KCNIP1: variants seen among roughly 807,000 people sequenced by gnomAD.
The protein encoded by KCNIP1 is A-type potassium channel modulatory protein KCNIP1.
Under a neutral mutation model 33.0 loss-of-function variants are expected in KCNIP1, and 18 were observed. The ratio of observed to expected loss-of-function variants is 0.55; its 90% CI spans 0.38 to 0.81. KCNIP1 has a LOEUF of 0.81. Among genes scored for constraint, KCNIP1 ranks in the 30% least tolerant of loss-of-function variants. KCNIP1 has a pLI of 0.00. For missense variants in KCNIP1, 238 were observed against 271.6 expected (o/e 0.88, Z 0.87); for synonymous variants, 93 against 98.3 (o/e 0.95, Z 0.32).
At chr5:170,416,539 C>G (rs1289093939) in intron 1 of KCNIP1, among the ~76,000 whole-genome samples, 1 of 152,140 alleles carries the variant, frequency 6.6e-6, no homozygotes, top group Non-Finnish European at 1.5e-5. Flanking sequence ...CACCTCAATG[C>G]TACGACAGAG....
At chr5:170,406,839 G>A (rs827782) in intron 1 of KCNIP1, among the ~76,000 whole-genome samples, 23,930 of 152,168 alleles carry the variant, frequency 0.16, 1,989 homozygotes, top group Admixed American at 0.2. Context: ...GGCCAGGCAG[G>A]AGGCAAGGCC....
At chr5:170,368,952 A>G (rs1763774199) in intron 1 of KCNIP1, among the ~76,000 whole-genome samples, 1 of 152,220 alleles carries the variant, frequency 6.6e-6, no homozygotes, top group South Asian at 2.1e-4. Flanking sequence ...ACAAATTCGC[A>G]TGTGCACAGA....
At chr5:170,506,440 CAAAT>C (rs1245252976) in intron 1 of KCNIP1, among the ~76,000 whole-genome samples, 1 of 152,142 alleles carries the variant, frequency 6.6e-6, no homozygotes, top group Non-Finnish European at 1.5e-5. Context: ...ATGTGAGAAT[CAAAT>C]GAATGATGAA....
At chr5:170,735,334 C>A (rs1764348108) in intron 7 of KCNIP1, among the ~76,000 whole-genome samples, 1 of 151,884 alleles carries the variant, frequency 6.6e-6, no homozygotes, top group Non-Finnish European at 1.5e-5. Context: ...AAGAAAATAT[C>A]TCGAATAAAA....
In KCNIP1 at chr5:170,511,395, G is replaced by A. The variant is rs151145591; in HGVS notation, c.61+6762G>A. On this transcript the variant is annotated intron_variant, in intron 1 of 7. Coordinates refer to ENST00000328939, the MANE Select transcript of KCNIP1 (RefSeq NM_014592.4). Reference sequence around the variant, plus strand: ...TGCCTTGCTCCACTTGGATGATGACGGTGTTACCCTTGGTAATCTCCCCAT... The same window carrying A: ...TGCCTTGCTCCACTTGGATGATGACAGTGTTACCCTTGGTAATCTCCCCAT... 4.1e-4 allele frequency among the ~76,000 whole-genome samples: 62 copies of A among 152,262 alleles called. 3 individuals are homozygous for A. The East Asian group carries it at 0.011, about 27-fold the overall frequency.
At chr5:170,547,881 A>G (rs900056401) in intron 1 of KCNIP1, among the ~76,000 whole-genome samples, 1 of 152,182 alleles carries the variant, frequency 6.6e-6, no homozygotes, top group Non-Finnish European at 1.5e-5. Flanking sequence ...TTTTAGGTAT[A>G]TACCCAGTAG....
At position 170,543,128 on chromosome 5, in the gene KCNIP1, G is replaced by A. The variant is rs528018819; in HGVS notation, c.61+38495G>A. Among the ~76,000 whole-genome samples the A allele has an allele frequency of 1.7e-4, 26 of 152,234 alleles. No homozygotes were observed. In the East Asian group the frequency reaches 4.8e-3, roughly 28 times the overall value. On this transcript the variant is annotated intron_variant, in intron 1 of 7. Transcript: ENST00000328939. ...CCTGCCTTCGTGACCTAATCACCCC[G>A]CAGATGCTCCACCTCTCAACACCAC...
intron 1 of KCNIP1, among the ~76,000 whole-genome samples, chr5:170,553,063 G>A (rs72832749): frequency 0.02 from 3,055 of 152,310 alleles, 40 homozygotes; most frequent in Non-Finnish European, 0.032. Flanking sequence ...AGCAAGCTGC[G>A]GCCCGTGCCT....
chr5:170,650,284 C>T (rs1760991230), intron 1 of KCNIP1, among the ~76,000 whole-genome samples: 1 of 151,948 alleles, frequency 6.6e-6, no homozygotes, highest in Admixed American at 6.6e-5. Context: ...TAACTATCAC[C>T]CCCCAAAGTT....
chr5:170,728,912 G>C (rs1340713476), intron 5 of KCNIP1, among the ~76,000 whole-genome samples: 1 of 151,948 alleles, frequency 6.6e-6, no homozygotes, highest in Non-Finnish European at 1.5e-5. Flanking sequence ...TTATAAAGCT[G>C]AAACTATTAA....
chr5:170,590,365 T>C (rs1758201632), intron 1 of KCNIP1, among the ~76,000 whole-genome samples: 1 of 152,068 alleles, frequency 6.6e-6, no homozygotes, highest in Non-Finnish European at 1.5e-5. Context: ...ATGCTGCTGA[T>C]TAAACTGATG....
intron 1 of KCNIP1, among the ~76,000 whole-genome samples, chr5:170,365,015 C>T (rs1257914141): frequency 2.0e-5 from 3 of 152,154 alleles, no homozygotes; most frequent in African/African-American, 4.8e-5. Flanking sequence ...AAACTCTATA[C>T]GCTTTGGCCA....
chr5:170,674,750 A>T (rs1762063649), intron 1 of KCNIP1, among the ~76,000 whole-genome samples: 1 of 152,148 alleles, frequency 6.6e-6, no homozygotes, highest in African/African-American at 2.4e-5. Flanking sequence ...GGTTTTGTAA[A>T]ATGCCAGGGG....
chr5:170,356,494 A>G (rs1763352030), intron 1 of KCNIP1, among the ~76,000 whole-genome samples: 1 of 152,232 alleles, frequency 6.6e-6, no homozygotes, highest in Non-Finnish European at 1.5e-5. Context: ...GATGCCAGCT[A>G]GCCCAGATTT....
chr5:170,565,391 C>T (rs1757171158), intron 1 of KCNIP1, among the ~76,000 whole-genome samples: 1 of 152,186 alleles, frequency 6.6e-6, no homozygotes, highest in African/African-American at 2.4e-5. Flanking sequence ...TTTATATAAG[C>T]ACTGGCCAAG....
intron 5 of KCNIP1, among the ~76,000 whole-genome samples, chr5:170,726,673 G>C (rs1181648895): frequency 6.7e-6 from 1 of 149,534 alleles, no homozygotes; most frequent in Non-Finnish European, 1.5e-5. Context: ...GCTGAGGCAG[G>C]CGGATCACTT....
At chr5:170,359,906 T>C (rs1266097091) in intron 1 of KCNIP1, among the ~76,000 whole-genome samples, 1 of 152,236 alleles carries the variant, frequency 6.6e-6, no homozygotes, top group African/African-American at 2.4e-5. Context: ...TAGATAACCC[T>C]GTTACCATGC....
intron 1 of KCNIP1, among the ~76,000 whole-genome samples, chr5:170,606,027 G>A (rs551742934): frequency 1.1e-4 from 16 of 152,114 alleles, no homozygotes; most frequent in East Asian, 3.9e-4. Flanking sequence ...TGCCCACCTC[G>A]GCCTCTCAAA....
intron 1 of KCNIP1, among the ~76,000 whole-genome samples, chr5:170,426,372 T>A (rs751731706): frequency 6.6e-6 from 1 of 152,176 alleles, no homozygotes; most frequent in African/African-American, 2.4e-5. Context: ...CTTATCCTCT[T>A]TGTTTCATTT....
Sources: gnomAD v4.1 joint callset for allele counts (sites outside exome capture counted in the v4.1 genomes callset) on GRCh38, gnomAD v4.1.1 for gene constraint, MANE v1.5 for transcripts, NCBI Gene and HGNC (gene_info 2026-07-23, HGNC 2026-07-21) for gene names.